Variants in ANOS1 observed in about 807,000 individuals in gnomAD.
ANOS1 encodes anosmin-1.
Under a neutral mutation model 59.0 loss-of-function variants are expected in ANOS1, and 6 were observed. The ratio of observed to expected loss-of-function variants is 0.10; its 90% CI spans 0.06 to 0.20. The LOEUF (loss-of-function observed/expected upper bound fraction) is 0.20. Among genes scored for constraint, ANOS1 ranks in the 10% least tolerant of loss-of-function variants. The pLI is 1.00. For synonymous variants in ANOS1, 217 were observed against 223.4 expected, an observed-to-expected ratio of 0.97 and a Z score of 0.25; for missense variants, 433 against 542.3, an observed-to-expected ratio of 0.80 and a Z score of 2.00.
In ANOS1 at chrX:8,576,748, C is replaced by T. The variant is rs113867306; in HGVS notation, c.857-6044G>A. 7.3e-3 allele frequency among the ~76,000 whole-genome samples: 806 copies of T among 110,573 alleles called. 7 individuals carry two copies. The highest frequency in any genetic ancestry group is 0.025 in the African/African-American group (758 of 30,402). On this transcript the variant is annotated intron_variant, in intron 6 of 13. Transcript: ENST00000262648. ...GAGAACAAAAAGGAAAGGAGAAAAA[C>T]GGGGTTGAAGGTCTAACAATACACA...
At chrX:8,636,969 TA>T (rs1482678458) in intron 2 of ANOS1, among the ~76,000 whole-genome samples, 2 of 112,531 alleles carry the variant, frequency 1.8e-5, no homozygotes, top group Non-Finnish European at 1.9e-5. Context: ...ACTCCGTTTA[TA>T]ATAGAACCTG....
In ANOS1 at chrX:8,634,876, A is replaced by C. The variant is rs150049671; in HGVS notation, c.256-11206T>G. 3.9e-3 allele frequency among the ~76,000 whole-genome samples: 441 copies of C among 111,659 alleles called. 1 individual carries two copies. The highest frequency in any genetic ancestry group is 0.013 in the African/African-American group (415 of 30,799). On this transcript the variant is annotated intron_variant, in intron 2 of 13. Transcript: ENST00000262648. ...AAACAGATTTAAAGACAAATGCTTC[A>C]GATCTGAAACCTCATACCAAATAGA...
intron 2 of ANOS1, among the ~76,000 whole-genome samples, chrX:8,663,323 T>C (rs759125610): frequency 9.0e-6 from 1 of 111,377 alleles, no homozygotes; most frequent in East Asian, 2.8e-4. Context: ...TTTCTTTGGA[T>C]TTTTTTTTCA....
intron 2 of ANOS1, among the ~76,000 whole-genome samples, chrX:8,642,323 A>C (rs938738955): frequency 2.7e-5 from 3 of 111,525 alleles, no homozygotes; most frequent in African/African-American, 9.8e-5. Flanking sequence ...CAATCTATGT[A>C]GGGAAAGAAA....
Position 8,555,148 on chromosome X carries a change from T to G in ANOS1, c.1208-1050A>C, listed in dbSNP as rs1053197259. On this transcript the variant is annotated intron_variant, in intron 8 of 13. Coordinates refer to ENST00000262648, the MANE Select transcript of ANOS1 (RefSeq NM_000216.4). ...ATGACTACTGGGTAAATAATGAAAT[T>G]CAGGCAGAAATAAATAAGTTTTTTG... is the stretch of plus-strand genomic sequence containing the variant. Among the ~76,000 whole-genome samples, 4 of 111,265 alleles carry G rather than the reference T, an allele frequency of 3.6e-5. No individual in the cohort carries two copies. In the Admixed American group the frequency reaches 3.8e-4, roughly 11 times the overall value.
In ANOS1 at chrX:8,530,719, T is replaced by G. The variant is rs1186747685; in HGVS notation, c.*2276A>C. ...ATGATTAAATTTTATAAAATTAAAT[T>G]TATGTAATAATTTAATAATATTTTG... On this transcript the variant is annotated 3_prime_UTR_variant, in exon 14 of 14. Coordinates refer to ENST00000262648, the MANE Select transcript of ANOS1 (RefSeq NM_000216.4). The G allele has an allele frequency of 1.8e-5, 2 of 110,206 alleles. No homozygotes were observed. Among genetic ancestry groups the G allele is most frequent in the Non-Finnish European group, 3.8e-5 (2 of 52,747 alleles). 9.1% of individuals were successfully genotyped at this position (110,206 alleles called of 1,213,427 possible).
chrX:8,663,606 C>T (rs914858804), intron 2 of ANOS1, among the ~76,000 whole-genome samples: 5 of 111,545 alleles, frequency 4.5e-5, no homozygotes, highest in African/African-American at 1.3e-4. Flanking sequence ...GGAGCCTGCC[C>T]AGAACAAAGC....
chrX:8,663,055 G>C (rs1932067735), intron 2 of ANOS1, among the ~76,000 whole-genome samples: 1 of 110,874 alleles, frequency 9.0e-6, no homozygotes, highest in African/African-American at 3.3e-5. Context: ...ATAAAATAAA[G>C]ATGTGGAGAC....
At chrX:8,709,199 T>A (rs1236000987) in intron 1 of ANOS1, among the ~76,000 whole-genome samples, 1 of 108,515 alleles carries the variant, frequency 9.2e-6, no homozygotes. Flanking sequence ...CAAACTGCCA[T>A]GGCATGTGTA....
chrX:8,568,130 A>T, intron 8 of ANOS1, 102 bp downstream of exon 8: 1 of 837,006 alleles, frequency 1.2e-6, no homozygotes, highest in Non-Finnish European at 1.7e-6. Context: ...TTGCCATATA[A>T]TTATTCCAAA....
At chrX:8,591,188 G>T (rs1930609531) in intron 4 of ANOS1, among the ~76,000 whole-genome samples, 1 of 111,611 alleles carries the variant, frequency 9.0e-6, no homozygotes, top group African/African-American at 3.3e-5. Context: ...TCTCAACAAG[G>T]TGATCATTTA....
intron 4 of ANOS1, among the ~76,000 whole-genome samples, 169 bp from the exon 5 acceptor site, chrX:8,588,147 C>G (rs952121921): frequency 4.5e-5 from 5 of 111,631 alleles, no homozygotes; most frequent in African/African-American, 1.6e-4. Context: ...TCTTCTGACA[C>G]TCAGTTCAGC....
chrX:8,565,773 G>C (rs1199622911), intron 8 of ANOS1: 1 of 113,321 alleles, frequency 8.8e-6, no homozygotes, highest in Admixed American at 9.5e-5. Flanking sequence ...GGCGAGCCCA[G>C]GAGAGGAACA....
At chrX:8,582,702 G>T (rs1469760883) in intron 6 of ANOS1, among the ~76,000 whole-genome samples, 1 of 111,381 alleles carries the variant, frequency 9.0e-6, no homozygotes, top group African/African-American at 3.3e-5. Context: ...AGAGGCCTGG[G>T]TCTGAAACCC....
chrX:8,535,655 G>A lies in ANOS1; in HGVS notation c.1778C>T (p.Thr593Ile), dbSNP rs750448701. Residue 593 changes from threonine to isoleucine, a missense_variant, in exon 12 of 14, where the codon ACT becomes ATT. By Grantham distance (89) the Thr-to-Ile change is moderately conservative. Coordinates refer to ENST00000262648, the MANE Select transcript of ANOS1 (RefSeq NM_000216.4). ...TAGGCTGTTCTGTCTGCTTTCCGTA[G>A]TGACCTCAGCCCAAGTCACTTGAAA... The part of the protein sequence containing the change: ...TGFQVTWAEV[T>I]TESRQNSLPN... The A allele has an allele frequency of 5.8e-6, 7 of 1,209,437 alleles. No individual in the cohort carries two copies. In the Admixed American group the frequency reaches 1.5e-4, roughly 26 times the overall value.
intron 2 of ANOS1, among the ~76,000 whole-genome samples, chrX:8,644,510 A>G (rs770549663): frequency 1.8e-5 from 2 of 111,982 alleles, no homozygotes; most frequent in African/African-American, 6.5e-5. Context: ...ACCTCAAAAT[A>G]TATTTCTTTG....
intron 1 of ANOS1, among the ~76,000 whole-genome samples, chrX:8,721,365 C>T (rs1932873714): frequency 8.9e-6 from 1 of 111,848 alleles, no homozygotes; most frequent in Non-Finnish European, 1.9e-5. Flanking sequence ...GCTATGGATC[C>T]TTGGTTATCT....
At position 8,588,664 on chromosome X, in the gene ANOS1, T is replaced by G. The variant is rs954778835; in HGVS notation, c.542-686A>C. ...GTTTTGGCATGAGTGAGTGTGCTGC[T>G]TCAAAAGTTTCTCACAGGTGTTTCA... On this transcript the variant is annotated intron_variant, in intron 4 of 13. Coordinates refer to ENST00000262648, the MANE Select transcript of ANOS1 (RefSeq NM_000216.4). 5.3e-5 allele frequency among the ~76,000 whole-genome samples: 6 copies of G among 112,339 alleles called. No homozygotes were observed. The East Asian group carries it at 8.3e-4, about 16-fold the overall frequency.
chrX:8,568,128 T>C (rs1930152332), intron 8 of ANOS1, 104 bp downstream of exon 8: 9 of 823,576 alleles, frequency 1.1e-5, no homozygotes, highest in Non-Finnish European at 1.6e-5. Flanking sequence ...ATTTGCCATA[T>C]AATTATTCCA....
Sources: allele counts gnomAD v4.1 joint callset (sites outside exome capture counted in the v4.1 genomes callset), GRCh38; gene constraint gnomAD v4.1.1; transcripts MANE v1.5; gene names NCBI Gene and HGNC (gene_info 2026-07-23, HGNC 2026-07-21).